The following SYNPR variants were observed in gnomAD, a reference collection of about 807,000 sequenced individuals.
SYNPR encodes the protein synaptoporin.
A neutral mutation model predicts 32.9 loss-of-function variants in SYNPR; 23 were observed. That is an observed-to-expected ratio of 0.70 (90% CI 0.50 to 0.99). The LOEUF is 0.99. SYNPR is among the 50% of genes least tolerant of loss of function. SYNPR has a pLI of 0.00. For missense variants in SYNPR, 318 were observed against 349.3 expected (o/e 0.91, Z 0.71); for synonymous variants, 146 against 135.9 (o/e 1.07, Z -0.52).
At chr3:63,457,692 C>A (rs1700507976) in intron 2 of SYNPR, among the ~76,000 whole-genome samples, 1 of 151,988 alleles carries the variant, frequency 6.6e-6, no homozygotes, top group Non-Finnish European at 1.5e-5. Context: ...ATTTGTATTA[C>A]CTACAAAAGA....
intron 2 of SYNPR, among the ~76,000 whole-genome samples, chr3:63,405,982 G>A (rs1165418529): frequency 6.6e-6 from 1 of 152,098 alleles, no homozygotes; most frequent in Non-Finnish European, 1.5e-5. Context: ...ACCTGGAGAT[G>A]GGTATATTCA....
chr3:63,388,262 C>A (rs761774026), intron 2 of SYNPR, among the ~76,000 whole-genome samples: 1 of 151,968 alleles, frequency 6.6e-6, no homozygotes, highest in South Asian at 2.1e-4. Context: ...ATAATATGTC[C>A]TTTATTCCTG....
At chr3:63,570,045 T>C (rs987374093) in intron 4 of SYNPR, among the ~76,000 whole-genome samples, 1 of 152,174 alleles carries the variant, frequency 6.6e-6, no homozygotes, top group African/African-American at 2.4e-5. Flanking sequence ...TGTTTGTTTG[T>C]TTGTTTGTTT....
At chr3:63,415,015 T>A (rs2088521291) in intron 2 of SYNPR, among the ~76,000 whole-genome samples, 1 of 152,198 alleles carries the variant, frequency 6.6e-6, no homozygotes, top group Non-Finnish European at 1.5e-5. Context: ...GATTTTATGA[T>A]CCAGTTGTTA....
intron 2 of SYNPR, among the ~76,000 whole-genome samples, chr3:63,399,096 TAGGAAAAGCTACATC>T (rs2088256384): frequency 6.6e-6 from 1 of 152,150 alleles, no homozygotes; most frequent in South Asian, 2.1e-4. Flanking sequence ...GTTCTCATGG[TAGGAAAAGCTACATC>T]AGGACCTATG....
chr3:63,343,531 ACTC>A (rs939576216), intron 2 of SYNPR, among the ~76,000 whole-genome samples: 4 of 151,718 alleles, frequency 2.6e-5, no homozygotes, highest in African/African-American at 9.7e-5. Context: ...GCTGGACTGA[ACTC>A]CTGGTAAGGA....
At position 63,228,487 on chromosome 3, in the gene SYNPR, C is replaced by T. The variant is rs574614027; in HGVS notation, n.66+107C>T. 15 of 152,274 alleles carry T rather than the reference C, an allele frequency of 9.9e-5. No homozygotes were observed. In the South Asian group the frequency reaches 3.1e-3, roughly 32 times the overall value. The allele number at this position is 152,274 out of a possible 1,614,324, so 9.4% of individuals were successfully genotyped here. A position where few individuals can be genotyped will look rare whatever the true frequency, so the allele number is the denominator to read the frequency against. On this transcript the variant is annotated intron_variant and non_coding_transcript_variant, in intron 1 of 4. Transcript: ENST00000478456. Reference sequence around the variant, plus strand: ...CAATTAATTGAGTTTGCTTCTGAATCTGATTACAGCACAACTTCACATTTG... The same window carrying T: ...CAATTAATTGAGTTTGCTTCTGAATTTGATTACAGCACAACTTCACATTTG...
chr3:63,280,030 G>C (rs939772331), intron 2 of SYNPR, among the ~76,000 whole-genome samples: 1 of 152,128 alleles, frequency 6.6e-6, no homozygotes, highest in African/African-American at 2.4e-5. Context: ...CATTCATTCA[G>C]CCATTCAATA....
In SYNPR at chr3:63,270,221, T is replaced by C. The variant is rs187125212; in HGVS notation, n.287+2772T>C. On this transcript the variant is annotated intron_variant and non_coding_transcript_variant, in intron 3 of 4. Transcript: ENST00000478456. ...GAACAAAGTACTGCCTTATTACAAATACAGTGTCAGATAAACCTATGGACC... is the reference window on the plus strand; with the variant it reads ...GAACAAAGTACTGCCTTATTACAAACACAGTGTCAGATAAACCTATGGACC... Among the ~76,000 whole-genome samples the C allele has an allele frequency of 3.9e-5, 6 of 152,216 alleles. No homozygotes were observed. In the East Asian group the frequency reaches 1.2e-3, roughly 29 times the overall value.
At chr3:63,218,108 G>A in the SYNPR span, among the ~76,000 whole-genome samples, 2 of 152,202 alleles carry the variant, frequency 1.3e-5, no homozygotes, top group South Asian at 4.2e-4. Flanking sequence ...ACACCAGCCT[G>A]AGTAACAGAG....
intron 2 of SYNPR, among the ~76,000 whole-genome samples, chr3:63,366,642 G>A (rs1283255551): frequency 1.3e-5 from 2 of 152,122 alleles, no homozygotes; most frequent in Non-Finnish European, 2.9e-5. Flanking sequence ...AGTAGGAGAT[G>A]GCTACACTTG....
At chr3:63,492,889 T>A (rs1701282127) in intron 3 of SYNPR, among the ~76,000 whole-genome samples, 1 of 152,128 alleles carries the variant, frequency 6.6e-6, no homozygotes, top group Admixed American at 6.5e-5. Flanking sequence ...ATAGAGAGAC[T>A]GACTTTGAGT....
rs143845537 is a variant in SYNPR at position 63,368,386 on chromosome 3, T to C, written c.84+89644T>C. ...GGCGCTAGTTTGAATGAAAGAGGAA[T>C]GTGATGTTGCATATGCTGAGTTCCA... On this transcript the variant is annotated intron_variant, in intron 2 of 5. Coordinates refer to ENST00000478300, the MANE Select transcript of SYNPR (RefSeq NM_001130003.2). Among the ~76,000 whole-genome samples the C allele has an allele frequency of 4.8e-3, 726 of 152,208 alleles. 12 individuals are homozygous for C. Among genetic ancestry groups the C allele is most frequent in the African/African-American group, 0.016 (683 of 41,526 alleles).
At chr3:63,574,295 A>T (rs1435148178) in intron 4 of SYNPR, among the ~76,000 whole-genome samples, 1 of 152,178 alleles carries the variant, frequency 6.6e-6, no homozygotes, top group Non-Finnish European at 1.5e-5. Context: ...ACTAAACTTC[A>T]TTCCAAAAAT....
chr3:63,274,714 G>T (rs897471684), upstream of SYNPR, among the ~76,000 whole-genome samples: 3 of 152,144 alleles, frequency 2.0e-5, no homozygotes, highest in African/African-American at 7.2e-5. Flanking sequence ...CTCTACCTTG[G>T]CACCATTGAC....
chr3:63,278,840 C>A (rs2086601396), intron 2 of SYNPR, 98 bp downstream of exon 2: 3 of 1,317,914 alleles, frequency 2.3e-6, no homozygotes, highest in Non-Finnish European at 3.1e-6. Context: ...CTGCTCCAAG[C>A]CGGAGATTCA....
intron 1 of SYNPR, among the ~76,000 whole-genome samples, chr3:63,246,492 A>G (rs1302542127): frequency 6.6e-6 from 1 of 152,110 alleles, no homozygotes; most frequent in Non-Finnish European, 1.5e-5. Context: ...TTCTAGTGAT[A>G]TGATCATAAA....
chr3:63,358,511 T>C (rs2087613869), intron 2 of SYNPR, among the ~76,000 whole-genome samples: 1 of 152,160 alleles, frequency 6.6e-6, no homozygotes, highest in Admixed American at 6.5e-5. Context: ...ATCCTTTACT[T>C]AATCACATCG....
At chr3:63,538,291 G>A (rs1395101937) in intron 3 of SYNPR, among the ~76,000 whole-genome samples, 2 of 151,992 alleles carry the variant, frequency 1.3e-5, no homozygotes, top group Non-Finnish European at 2.9e-5. Context: ...GAAGAGATAT[G>A]TGGGAAAATA....
Sources: gnomAD v4.1 joint callset for allele counts (sites outside exome capture counted in the v4.1 genomes callset) on GRCh38, gnomAD v4.1.1 for gene constraint, MANE v1.5 for transcripts, NCBI Gene and HGNC (gene_info 2026-07-23, HGNC 2026-07-21) for gene names.